The following ITK variants were observed in gnomAD, a reference collection of about 807,000 sequenced individuals.
ITK encodes the protein tyrosine-protein kinase ITK/TSK.
Under a neutral mutation model 87.6 loss-of-function variants are expected in ITK, and 45 were observed. The ratio of observed to expected loss-of-function variants is 0.51; its 90% CI spans 0.40 to 0.66. ITK has a LOEUF of 0.66. Ranked by LOEUF, ITK falls within the 30% of genes least tolerant of loss-of-function variation. The probability of loss-of-function intolerance (pLI) is 0.00; values close to 1 mark genes in which losing one functional copy is unlikely to be tolerated. For synonymous variants in ITK, 303 were observed against 273.6 expected, an observed-to-expected ratio of 1.11 and a Z score of -1.06; for missense variants, 605 against 766.3, an observed-to-expected ratio of 0.79 and a Z score of 2.48.
chr5:157,204,373 C>A (rs917577424), intron 1 of ITK, among the ~76,000 whole-genome samples: 1 of 151,912 alleles, frequency 6.6e-6, no homozygotes, highest in African/African-American at 2.4e-5. Flanking sequence ...CCACCCTGGG[C>A]AACATGGTGA....
Position 157,254,041 on chromosome 5 carries a change from CTA to C in ITK, c.*1364_*1365del, listed in dbSNP as rs1755203330. On this transcript the variant is annotated 3_prime_UTR_variant, in exon 17 of 17. Transcript: ENST00000422843. ...GCCCAAAGTGATGGAACTAGAAAGT[CTA>C]GAGCTGGTATTCTAGCCCAAATCTG... is the stretch of plus-strand genomic sequence containing the variant. The C allele has an allele frequency of 4.4e-6, 1 of 226,200 alleles. No homozygotes were observed. 14.0% of individuals were successfully genotyped at this position (226,200 alleles called of 1,614,324 possible). A position where few individuals can be genotyped will look rare whatever the true frequency, so the allele number is the denominator to read the frequency against.
chr5:157,212,896 G>A (rs1473597555), intron 3 of ITK, among the ~76,000 whole-genome samples: 1 of 152,102 alleles, frequency 6.6e-6, no homozygotes, highest in Non-Finnish European at 1.5e-5. Context: ...CCCAGCTATG[G>A]TCATTGGCCA....
intron 6 of ITK, among the ~76,000 whole-genome samples, chr5:157,225,292 G>T (rs1363224281): frequency 6.6e-6 from 1 of 152,012 alleles, no homozygotes; most frequent in Admixed American, 6.6e-5. Context: ...CACCATACCT[G>T]GCCTATATGT....
At position 157,253,475 on chromosome 5, in the gene ITK, CTT is replaced by C. The variant is rs1339006969; in HGVS notation, c.*798_*799del. On this transcript the variant is annotated 3_prime_UTR_variant, in exon 17 of 17. Coordinates refer to ENST00000422843, the MANE Select transcript of ITK (RefSeq NM_005546.4). ...TGGTGCAAGAAGAGATCTTAGGTCT[CTT>C]CTTTTATACCAAGCTCATCTTTTAT... is the stretch of plus-strand genomic sequence containing the variant. The C allele has an allele frequency of 1.3e-5, 3 of 225,112 alleles. No homozygotes were observed. The highest frequency in any genetic ancestry group is 2.7e-5 in the Non-Finnish European group (3 of 113,036). The allele number at this position is 225,112 out of a possible 1,614,324, so 13.9% of individuals were successfully genotyped here.
At chr5:157,241,419 T>C in intron 10 of ITK, 1 of 426,692 alleles carries the variant, frequency 2.3e-6, no homozygotes, top group Non-Finnish European at 4.3e-6. Flanking sequence ...ATATCTTCTA[T>C]TAGCAAGCTA....
chr5:157,214,201 T>G lies in ITK; in HGVS notation c.336T>G (p.Asn112Lys), dbSNP rs748766592. 1 of 1,611,872 alleles carries G rather than the reference T, an allele frequency of 6.2e-7. No individual in the cohort carries two copies. Among genetic ancestry groups the G allele is most frequent in the African/African-American group, 1.3e-5 (1 of 74,872 alleles). The change falls in exon 4 of 17, where the codon AAT becomes AAG. Residue 112 changes from asparagine to lysine, a missense_variant. Physicochemically the swap from Asn to Lys is moderately conservative, Grantham distance 94. This residue lies in a region of ITK where 464 missense variants were observed against 578.0 expected (regional missense o/e 0.80). Transcript: ENST00000422843. ...GCCAACCTGTTTCAGAAACGAGGAA[T>G]AATAACAGTTTGGTGCCTAAATATC... ...WVLALKEETRNNNSLVPKYHP... is the reference protein window; with the variant it reads ...WVLALKEETRKNNSLVPKYHP...
intron 6 of ITK, 36 bp downstream of exon 6, chr5:157,223,050 A>C (rs544067358): frequency 5.6e-6 from 9 of 1,612,750 alleles, no homozygotes; most frequent in Middle Eastern, 1.7e-4. Context: ...CCCGTGTTTG[A>C]GGTGTGGTGC....
At chr5:157,219,110 T>A (rs1754360555) in intron 5 of ITK, among the ~76,000 whole-genome samples, 1 of 118,980 alleles carries the variant, frequency 8.4e-6, no homozygotes, top group Non-Finnish European at 1.8e-5. Flanking sequence ...TCCACTTTTC[T>A]TTCTTTTTTT....
Position 157,251,374 on chromosome 5 carries a change from A to G in ITK, c.1792-1233A>G, listed in dbSNP as rs183110144. ...TGTTTACTTATTGTTGAGTTTTAAG[A>G]GTTCTTTGTATATTTTGGATACAAG... On this transcript the variant is annotated intron_variant, in intron 16 of 16. Transcript: ENST00000422843. Among the ~76,000 whole-genome samples the G allele has an allele frequency of 2.8e-4, 43 of 152,208 alleles. No homozygotes were observed. In the East Asian group the frequency reaches 7.9e-3, roughly 28 times the overall value.
At chr5:157,230,813 G>C (rs570275345) in intron 7 of ITK, among the ~76,000 whole-genome samples, 37 of 152,114 alleles carry the variant, frequency 2.4e-4, no homozygotes, top group African/African-American at 7.5e-4. Context: ...GTGAGGTCTG[G>C]AGCAAATAAA....
Position 157,212,734 on chromosome 5 carries a change from C to T in ITK, c.325+1366C>T, listed in dbSNP as rs1305079503. On this transcript the variant is annotated intron_variant, in intron 3 of 16. Transcript: ENST00000422843. Reference sequence around the variant, plus strand: ...AGGCATGGTGGCACATGCCTGTGCTCCCAGCTACCCGGGAGGCTGAGGTGG... The same window carrying T: ...AGGCATGGTGGCACATGCCTGTGCTTCCAGCTACCCGGGAGGCTGAGGTGG... Among the ~76,000 whole-genome samples the T allele has an allele frequency of 2.0e-5, 3 of 152,090 alleles. No homozygotes were observed. In the East Asian group the frequency reaches 5.8e-4, roughly 29 times the overall value.
intron 14 of ITK, 38 bp from the exon 15 acceptor site, chr5:157,245,843 C>G (rs370133323): frequency 2.7e-5 from 44 of 1,608,490 alleles, no homozygotes; most frequent in Non-Finnish European, 3.0e-5. Context: ...CTGAGGCCCC[C>G]GGAACATTCT....
At chr5:157,200,527 C>T (rs190341261) in intron 1 of ITK, among the ~76,000 whole-genome samples, 1 of 152,136 alleles carries the variant, frequency 6.6e-6, no homozygotes, top group African/African-American at 2.4e-5. Flanking sequence ...CCAGCCACCC[C>T]CCGGGGACCA....
intron 1 of ITK, among the ~76,000 whole-genome samples, chr5:157,188,741 C>G (rs1561646200): frequency 6.6e-6 from 1 of 152,226 alleles, no homozygotes; most frequent in Non-Finnish European, 1.5e-5. Context: ...TCTCGACTAG[C>G]TGGGACTACA....
At chr5:157,187,936 A>G (rs1753678490) in intron 1 of ITK, among the ~76,000 whole-genome samples, 1 of 151,824 alleles carries the variant, frequency 6.6e-6, no homozygotes, top group Non-Finnish European at 1.5e-5. Context: ...AGTTTCTGGG[A>G]CTAGAGGCAT....
At chr5:157,194,257 G>T (rs1282980303) in intron 1 of ITK, among the ~76,000 whole-genome samples, 3 of 152,108 alleles carry the variant, frequency 2.0e-5, no homozygotes, top group African/African-American at 7.2e-5. Flanking sequence ...GCCAGTCTTT[G>T]GTGACTTTGC....
Position 157,248,890 on chromosome 5 carries a change from G to C in ITK, c.1674G>C (p.Pro558=), listed in dbSNP as rs199593468. ...MWEVFSEGKI[P]YENRSNSEVV... The stretch of plus-strand genomic sequence containing the variant: ...AAGTTTTCAGTGAAGGCAAAATCCC[G>C]TATGAAAACCGAAGCAACTCAGAGG... Residue 558 remains proline (P), a synonymous_variant, in exon 16 of 17, where the codon CCG becomes CCC. Coordinates refer to ENST00000422843, the MANE Select transcript of ITK (RefSeq NM_005546.4). The C allele has an allele frequency of 6.2e-7, 1 of 1,613,940 alleles. No homozygotes were observed.
chr5:157,181,822 A>C (rs1223813312), intron 1 of ITK, among the ~76,000 whole-genome samples: 1 of 152,202 alleles, frequency 6.6e-6, no homozygotes, highest in African/African-American at 2.4e-5. Context: ...AGGTCAGTCT[A>C]TCTCTTTATC....
chr5:157,253,524 T>C lies in ITK; in HGVS notation c.*846T>C, dbSNP rs1237319812. On this transcript the variant is annotated 3_prime_UTR_variant, in exon 17 of 17. Coordinates refer to ENST00000422843, the MANE Select transcript of ITK (RefSeq NM_005546.4). ...TTATACCAAGCTGTGCAGGTGACTA[T>C]GCCTCCTCTTCTGCACAGAATGCTT... 4.4e-6 allele frequency: 1 copy of C among 226,204 alleles called. No individual in the cohort carries two copies. Among genetic ancestry groups the C allele is most frequent in the Non-Finnish European group, 8.8e-6 (1 of 113,710 alleles). The allele number at this position is 226,204 out of a possible 1,614,324, so 14.0% of individuals were successfully genotyped here.
Sources: gnomAD v4.1 joint callset for allele counts (sites outside exome capture counted in the v4.1 genomes callset) on GRCh38, gnomAD v4.1.1 for gene constraint, gnomAD v4.1.1 regional missense constraint, MANE v1.5 for transcripts, NCBI Gene and HGNC (gene_info 2026-07-23, HGNC 2026-07-21) for gene names.